PLEKHG2: variants seen among roughly 807,000 people sequenced by gnomAD.
PLEKHG2 encodes pleckstrin homology and RhoGEF domain containing G2, also known as pleckstrin homology domain-containing family G member 2.
In PLEKHG2, 71 loss-of-function variants were observed where a neutral mutation model predicts 104.4. That is an observed-to-expected ratio of 0.68 (90% CI 0.56 to 0.83). The LOEUF (loss-of-function observed/expected upper bound fraction) is 0.83. Among genes scored for constraint, PLEKHG2 ranks in the 40% least tolerant of loss-of-function variants. The pLI is 0.00. For synonymous variants in PLEKHG2, 728 were observed against 737.0 expected, an observed-to-expected ratio of 0.99 and a Z score of 0.20; for missense variants, 1,730 against 1,809.4, an observed-to-expected ratio of 0.96 and a Z score of 0.80.
Position 39,420,948 on chromosome 19 carries a change from G to T in PLEKHG2, c.1400-1G>T. 1 of 1,614,024 alleles carries T rather than the reference G, an allele frequency of 6.2e-7. No homozygotes were observed. Among genetic ancestry groups the T allele is most frequent in the South Asian group, 1.1e-5 (1 of 91,082 alleles). On this transcript the variant is annotated splice_acceptor_variant, in intron 13 of 18. Coordinates refer to ENST00000425673, the MANE Select transcript of PLEKHG2 (RefSeq NM_022835.3). LOFTEE classifies it high-confidence loss of function. ...CAGGGCTCTGGCCCTCCCTCCCACA[G>T]CTCCATCTCCTGGGCCCTCTGTGAT... is the stretch of plus-strand genomic sequence containing the variant.
rs1449371817 is a variant in PLEKHG2 at position 39,415,415 on chromosome 19, T to C, written c.455T>C (p.Ile152Thr). The C allele has an allele frequency of 1.1e-5, 17 of 1,613,914 alleles. No individual in the cohort carries two copies. The highest frequency in any genetic ancestry group is 1.3e-5 in the African/African-American group (1 of 74,896). Residue 152 changes from isoleucine to threonine, a missense_variant, in exon 4 of 19, where the codon ATT becomes ACT. By Grantham distance (89) the Ile-to-Thr change is moderately conservative (BLOSUM62 -1). Transcript: ENST00000425673. This position sits in a 1 kb window ranked among gnomAD's most constrained non-coding sequence, Gnocchi z 4.6. Reference protein sequence around the residue: ...VEQVGTLFANIEDIYEFSSEL... With the variant: ...VEQVGTLFANTEDIYEFSSEL... ...CAGGTGGGCACGCTGTTTGCCAACATTGAGGACATCTACGAGTTCAGCAGG... is the reference window on the plus strand; with the variant it reads ...CAGGTGGGCACGCTGTTTGCCAACACTGAGGACATCTACGAGTTCAGCAGG...
At chr19:39,421,239 A>C in intron 15 of PLEKHG2, 44 bp from the exon 16 acceptor site, 1 of 1,613,406 alleles carries the variant, frequency 6.2e-7, no homozygotes, top group South Asian at 1.1e-5. Context: ...TTTTTCCCTT[A>C]CATCTCACTA....
rs1205532138 is a variant in PLEKHG2 at position 39,427,449 on chromosome 19, C to A, written c.*2155C>A. On this transcript the variant is annotated 3_prime_UTR_variant, in exon 19 of 19. Transcript: ENST00000425673. ...TCCCAGGTTCAAGTGATTCTCCTGC[C>A]TCTAGCTGGGATTGCAGGCGCCCAC... 4.0e-5 allele frequency: 6 copies of A among 151,696 alleles called. No individual in the cohort carries two copies. Among genetic ancestry groups the A allele is most frequent in the African/African-American group, 1.5e-4 (6 of 41,232 alleles). The allele number at this position is 151,696 out of a possible 1,614,324, so 9.4% of individuals were successfully genotyped here.
Position 39,426,371 on chromosome 19 carries a change from C to G in PLEKHG2, c.*1077C>G, listed in dbSNP as rs940420651. 2 of 152,282 alleles carry G rather than the reference C, an allele frequency of 1.3e-5. No individual in the cohort carries two copies. Among genetic ancestry groups the G allele is most frequent in the East Asian group, 3.8e-4 (2 of 5,204 alleles). 9.4% of individuals were successfully genotyped at this position (152,282 alleles called of 1,614,324 possible). ...CTACAATTCATCCACATGCTCCCTCCCCCAGCAAAATAATTCAGGTCGTGG... is the reference window on the plus strand; with the variant it reads ...CTACAATTCATCCACATGCTCCCTCGCCCAGCAAAATAATTCAGGTCGTGG... On this transcript the variant is annotated 3_prime_UTR_variant, in exon 19 of 19. Coordinates refer to ENST00000425673, the MANE Select transcript of PLEKHG2 (RefSeq NM_022835.3).
In PLEKHG2 at chr19:39,416,911, C is replaced by T. The variant is rs759521462; in HGVS notation, c.655C>T (p.Arg219Cys). ...SPPAALWLQE[R>C]QAQLRHSLPL... ...GCCAGCAGCCCTGTGGCTGCAGGAG[C>T]GCCAGGCCCAGCTTCGCCACTCGCT... The change falls in exon 7 of 19, where the codon CGC (arginine) becomes TGC (cysteine). Residue 219 changes from arginine to cysteine, a missense_variant. Coordinates refer to ENST00000425673, the MANE Select transcript of PLEKHG2 (RefSeq NM_022835.3). This position sits in a 1 kb window ranked among gnomAD's most constrained non-coding sequence, Gnocchi z 4.5. The T allele has an allele frequency of 1.4e-5, 22 of 1,612,910 alleles. No homozygotes were observed. The highest frequency in any genetic ancestry group is 5.3e-5 in the African/African-American group (4 of 74,918).
chr19:39,424,752 C>T lies in PLEKHG2; in HGVS notation c.3619C>T (p.His1207Tyr). The T allele has an allele frequency of 2.5e-6, 4 of 1,614,220 alleles. No homozygotes were observed. Among genetic ancestry groups the T allele is most frequent in the Non-Finnish European group, 3.4e-6 (4 of 1,180,038 alleles). Residue 1207 changes from histidine (H) to tyrosine (Y), a missense_variant, in exon 19 of 19, where the codon CAT (histidine) becomes TAT (tyrosine). His to Tyr is a moderately conservative substitution (Grantham distance 83). Transcript: ENST00000425673. ...SLEQKSLIDAHVPAATPLPER... is the reference protein window; with the variant it reads ...SLEQKSLIDAYVPAATPLPER... ...GGAGCAGAAGAGCCTCATAGATGCCCATGTTCCAGCTGCCACACCTTTACC... is the reference window on the plus strand; with the variant it reads ...GGAGCAGAAGAGCCTCATAGATGCCTATGTTCCAGCTGCCACACCTTTACC...
At position 39,425,497 on chromosome 19, in the gene PLEKHG2, A is replaced by C. The variant is rs1844097523; in HGVS notation, c.*203A>C. On this transcript the variant is annotated 3_prime_UTR_variant, in exon 19 of 19. Transcript: ENST00000425673. ...GAGGAATGTCATTAATGTTTTGTTA[A>C]TACTGATTCTTTCATGCAATGATGT... 1 of 808,060 alleles carries C rather than the reference A, an allele frequency of 1.2e-6. No individual in the cohort carries two copies. The highest frequency in any genetic ancestry group is 2.6e-5 in the South Asian group (1 of 38,670). 50.1% of individuals were successfully genotyped at this position (808,060 alleles called of 1,614,324 possible). A position where few individuals can be genotyped will look rare whatever the true frequency, so the allele number is the denominator to read the frequency against.
Position 39,425,465 on chromosome 19 carries a change from G to A in PLEKHG2, c.*171G>A. 1 of 1,009,770 alleles carries A rather than the reference G, an allele frequency of 9.9e-7. No homozygotes were observed. The highest frequency in any genetic ancestry group is 3.0e-5 in the East Asian group (1 of 33,474). The allele number at this position is 1,009,770 out of a possible 1,614,324, so 62.6% of individuals were successfully genotyped here. On this transcript the variant is annotated 3_prime_UTR_variant, in exon 19 of 19. Coordinates refer to ENST00000425673, the MANE Select transcript of PLEKHG2 (RefSeq NM_022835.3). ...CTTCTTGCCTTGATCCACAGGGATG[G>A]GGAAGGGAGGAATGTCATTAATGTT... is the stretch of plus-strand genomic sequence containing the variant.
At chr19:39,422,429 GT>G (rs1177582322) in intron 17 of PLEKHG2, 141 bp downstream of exon 17, 20 of 992,384 alleles carry the variant, frequency 2.0e-5, no homozygotes, top group Non-Finnish European at 2.5e-5. Context: ...CGAGGCTGGA[GT>G]GCAGTGGCGC....
In PLEKHG2 at chr19:39,414,049, G is replaced by A. The variant is rs2078562005; in HGVS notation, c.-22-16G>A. On this transcript the variant is annotated splice_polypyrimidine_tract_variant and intron_variant, in intron 1 of 18. Transcript: ENST00000425673. ...CCCATGGGGTCCTGATATCCAAGAAGGGGCTCTTTCTGCAGGACTCTGCTG... is the reference window on the plus strand; with the variant it reads ...CCCATGGGGTCCTGATATCCAAGAAAGGGCTCTTTCTGCAGGACTCTGCTG... The A allele has an allele frequency of 6.6e-7, 1 of 1,526,092 alleles. No homozygotes were observed. Among genetic ancestry groups the A allele is most frequent in the Non-Finnish European group, 8.9e-7 (1 of 1,125,806 alleles). The allele number at this position is 1,526,092 out of a possible 1,614,324, so 94.5% of individuals were successfully genotyped here.
intron 2 of PLEKHG2, among the ~76,000 whole-genome samples, chr19:39,414,634 G>A (rs926247961): frequency 6.6e-6 from 1 of 152,198 alleles, no homozygotes; most frequent in Admixed American, 6.5e-5. Context: ...ACTGGCTAGA[G>A]GGATCTGTGT....
intron 11 of PLEKHG2, among the ~76,000 whole-genome samples, chr19:39,419,959 A>G (rs1439003037): frequency 6.6e-6 from 1 of 152,170 alleles, no homozygotes; most frequent in Non-Finnish European, 1.5e-5. Context: ...AGGCTGAGGC[A>G]GGAGAATCAC....
chr19:39,417,361 C>T (rs551011343), intron 7 of PLEKHG2, among the ~76,000 whole-genome samples, 194 bp from the exon 8 acceptor site: 6 of 152,100 alleles, frequency 3.9e-5, no homozygotes, highest in South Asian at 2.1e-4. Context: ...CTACGTTGGC[C>T]GGGCTAGTCT....
intron 11 of PLEKHG2, among the ~76,000 whole-genome samples, chr19:39,419,431 T>TA (rs1384483375): frequency 2.0e-5 from 3 of 151,952 alleles, no homozygotes; most frequent in East Asian, 1.9e-4. Flanking sequence ...ACCCTGTCTC[T>TA]AAAAAACATT....
At chr19:39,419,395 G>A (rs1024999549) in intron 11 of PLEKHG2, among the ~76,000 whole-genome samples, 1 of 152,050 alleles carries the variant, frequency 6.6e-6, no homozygotes, top group Admixed American at 6.5e-5. Context: ...CCGGGAGTTC[G>A]ATACCAGCTT....
chr19:39,420,571 T>G (rs2078682908), intron 11 of PLEKHG2, 55 bp from the exon 12 acceptor site: 1 of 1,611,334 alleles, frequency 6.2e-7, no homozygotes, highest in African/African-American at 1.3e-5. Context: ...TAAAGTATCC[T>G]CTCTGTGGTA....
Position 39,415,137 on chromosome 19 carries a change from C to T in PLEKHG2, c.255C>T (p.Ile85=), listed in dbSNP as rs1228529645. 5 of 1,600,344 alleles carry T rather than the reference C, an allele frequency of 3.1e-6. No individual in the cohort carries two copies. The South Asian group carries it at 5.6e-5, about 18-fold the overall frequency. The part of the protein sequence containing the change: ...SRPEPLPGPP[I]RLHLSPVGIP... ...CAGAGCCCCTTCCAGGGCCTCCCAT[C>T]CGCCTACATCTCTCTCCGGTGGGGA... Residue 85 remains isoleucine, a synonymous_variant, in exon 3 of 19, where the codon ATC becomes ATT. Coordinates refer to ENST00000425673, the MANE Select transcript of PLEKHG2 (RefSeq NM_022835.3). This position sits in a 1 kb window ranked among gnomAD's most constrained non-coding sequence, Gnocchi z 4.6.
chr19:39,426,799 A>G lies in PLEKHG2; in HGVS notation c.*1505A>G, dbSNP rs2146030097. On this transcript the variant is annotated 3_prime_UTR_variant, in exon 19 of 19. Transcript: ENST00000425673. ...ACAGATCCCCCAGTATCTAGTCCCAACCTATTGAATCAGGATCCCCAGGGA... is the reference window on the plus strand; with the variant it reads ...ACAGATCCCCCAGTATCTAGTCCCAGCCTATTGAATCAGGATCCCCAGGGA... 6.6e-6 allele frequency: 1 copy of G among 151,714 alleles called. No individual in the cohort carries two copies. Among genetic ancestry groups the G allele is most frequent in the Non-Finnish European group, 1.5e-5 (1 of 67,974 alleles). The allele number at this position is 151,714 out of a possible 1,614,324, so 9.4% of individuals were successfully genotyped here. A position where few individuals can be genotyped will look rare whatever the true frequency, so the allele number is the denominator to read the frequency against.
chr19:39,424,923 C>T lies in PLEKHG2; in HGVS notation c.3790C>T (p.Pro1264Ser), dbSNP rs755317221. The T allele has an allele frequency of 3.7e-6, 6 of 1,614,248 alleles. No homozygotes were observed. Among genetic ancestry groups the T allele is most frequent in the Non-Finnish European group, 5.1e-6 (6 of 1,180,040 alleles). The change falls in exon 19 of 19, where the codon CCT (proline) becomes TCT (serine). Residue 1264 changes from proline to serine, a missense_variant. Transcript: ENST00000425673. ...SDLTPPHSPP[P>S]SSRQLLGPNA... The stretch of plus-strand genomic sequence containing the variant: ...CTTGACGCCACCTCATAGTCCCCCA[C>T]CTTCCAGCCGTCAGCTCCTGGGCCC...
Sources: allele counts gnomAD v4.1 joint callset (sites outside exome capture counted in the v4.1 genomes callset), GRCh38; gene constraint gnomAD v4.1.1; non-coding constraint Gnocchi (gnomAD v3.1); transcripts MANE v1.5; gene names NCBI Gene and HGNC (gene_info 2026-07-23, HGNC 2026-07-21).